ERCC6L2: variants seen among roughly 807,000 people sequenced by gnomAD.
ERCC6L2 encodes ERCC excision repair 6 like 2.
ERCC6L2 carries 77 observed loss-of-function variants against 132.0 expected under a neutral mutation model. The ratio of observed to expected loss-of-function variants is 0.58; its 90% confidence interval spans 0.49 to 0.71. ERCC6L2 has a LOEUF of 0.71. Ranked by LOEUF, ERCC6L2 falls within the 30% of genes least tolerant of loss-of-function variation. ERCC6L2 has a pLI of 0.00. For missense variants in ERCC6L2, 1,542 were observed against 1,837.6 expected (o/e 0.84, Z 2.94); for synonymous variants, 583 against 632.4 (o/e 0.92, Z 1.17).
chr9:95,972,417 A>G lies in ERCC6L2; in HGVS notation c.2666A>G (p.His889Arg), dbSNP rs1246831783. 9 of 1,278,182 alleles carry G rather than the reference A, an allele frequency of 7.0e-6. No individual in the cohort carries two copies. In the East Asian group the frequency reaches 3.3e-4, roughly 47 times the overall value. The allele number at this position is 1,278,182 out of a possible 1,614,324, so 79.2% of individuals were successfully genotyped here. Residue 889 changes from histidine (H) to arginine (R), a missense_variant, in exon 16 of 19, where the codon CAT becomes CGT. Physicochemically the swap from His to Arg is conservative, Grantham distance 29. Coordinates refer to ENST00000653738, the MANE Select transcript of ERCC6L2 (RefSeq NM_020207.7). ...DEKKIKNTDK[H>R]CILQNVTESE... Reference sequence around the variant, plus strand: ...AAAAAAATTAAAAATACAGATAAACATTGCATTTTACAGAATGTCACAGAA... The same window carrying G: ...AAAAAAATTAAAAATACAGATAAACGTTGCATTTTACAGAATGTCACAGAA...
intron 2 of ERCC6L2, among the ~76,000 whole-genome samples, chr9:95,893,817 G>A (rs1828294912): frequency 6.6e-6 from 1 of 151,946 alleles, no homozygotes; most frequent in African/African-American, 2.4e-5. Context: ...TTCTTTCAAA[G>A]GATGATCATT....
chr9:95,904,529 TG>T (rs1828938746), intron 3 of ERCC6L2, among the ~76,000 whole-genome samples: 1 of 152,170 alleles, frequency 6.6e-6, no homozygotes, highest in Non-Finnish European at 1.5e-5. Flanking sequence ...ATACTTACTT[TG>T]CTACTTAATA....
At position 96,007,223 on chromosome 9, in the gene ERCC6L2, A is replaced by G. The variant is rs1177465628; in HGVS notation, c.3674+2522A>G. Among the ~76,000 whole-genome samples the G allele has an allele frequency of 3.3e-5, 5 of 152,222 alleles. 1 individual carries two copies. Among genetic ancestry groups the G allele is most frequent in the Non-Finnish European group, 5.9e-5 (4 of 68,046 alleles). ...TCAAGCAGCTGAGCTGGAGCCTTAGATGACTAAGTCAGGGACATGGAGGTT... is the reference window on the plus strand; with the variant it reads ...TCAAGCAGCTGAGCTGGAGCCTTAGGTGACTAAGTCAGGGACATGGAGGTT... On this transcript the variant is annotated intron_variant, in intron 18 of 18. Transcript: ENST00000653738.
At chr9:95,919,263 A>C (rs1394647810) in intron 6 of ERCC6L2, among the ~76,000 whole-genome samples, 1 of 152,204 alleles carries the variant, frequency 6.6e-6, no homozygotes, top group East Asian at 1.9e-4. Context: ...GCTTGTATGC[A>C]CCTTTGCCTG....
chr9:95,947,199 A>G lies in ERCC6L2; in HGVS notation c.1847+5650A>G, dbSNP rs896798671. Among the ~76,000 whole-genome samples, 7 of 152,298 alleles carry G rather than the reference A, an allele frequency of 4.6e-5. No individual in the cohort carries two copies. In the South Asian group the frequency reaches 1.4e-3, roughly 32 times the overall value. The stretch of plus-strand genomic sequence containing the variant: ...ATGCAAAGGAAAAGTTCTTGAAGGA[A>G]ATTAAAAGTGCTACTCCAGTGAACA... On this transcript the variant is annotated intron_variant, in intron 12 of 18. Transcript: ENST00000653738.
chr9:95,982,093 G>A (rs1421985814), intron 17 of ERCC6L2, among the ~76,000 whole-genome samples: 1 of 152,176 alleles, frequency 6.6e-6, no homozygotes, highest in East Asian at 1.9e-4. Context: ...TCTTGCAAGT[G>A]TTTGACAGAG....
At position 95,915,660 on chromosome 9, in the gene ERCC6L2, C is replaced by T. The variant is rs1482878517; in HGVS notation, c.789-8C>T. The T allele has an allele frequency of 2.5e-6, 4 of 1,598,416 alleles. No individual in the cohort carries two copies. Among genetic ancestry groups the T allele is most frequent in the Admixed American group, 1.8e-5 (1 of 56,826 alleles). On this transcript the variant is annotated splice_polypyrimidine_tract_variant and splice_region_variant and intron_variant, in intron 4 of 18. Coordinates refer to ENST00000653738, the MANE Select transcript of ERCC6L2 (RefSeq NM_020207.7). ...TCAACCTCACCCTTCTTTTTTCTTA[C>T]TTTATAGTTTGGAATGGTCAGCTGT... is the stretch of plus-strand genomic sequence containing the variant.
At chr9:95,956,937 T>G (rs1180127992) in intron 13 of ERCC6L2, among the ~76,000 whole-genome samples, 3 of 152,150 alleles carry the variant, frequency 2.0e-5, no homozygotes, top group Non-Finnish European at 4.4e-5. Flanking sequence ...ACATGTGCCA[T>G]CACATGAAGA....
intron 3 of ERCC6L2, among the ~76,000 whole-genome samples, chr9:95,901,465 C>G (rs1828773447): frequency 6.6e-6 from 1 of 152,126 alleles, no homozygotes; most frequent in African/African-American, 2.4e-5. Flanking sequence ...ACTTTTCCTT[C>G]TTAAAATTAC....
At chr9:95,962,788 A>G (rs1314489639) in intron 13 of ERCC6L2, among the ~76,000 whole-genome samples, 4 of 152,174 alleles carry the variant, frequency 2.6e-5, no homozygotes, top group Admixed American at 2.6e-4. Flanking sequence ...AGATAAGCCT[A>G]TCGTAAGTCC....
At chr9:95,917,043 G>A (rs1219810748) in intron 6 of ERCC6L2, among the ~76,000 whole-genome samples, 1 of 152,156 alleles carries the variant, frequency 6.6e-6, no homozygotes, top group African/African-American at 2.4e-5. Context: ...TCTCTCTGCA[G>A]TGTGTTTTCT....
At chr9:95,928,928 T>G in intron 11 of ERCC6L2, 64 bp downstream of exon 11, 1 of 1,250,108 alleles carries the variant, frequency 8.0e-7, no homozygotes, top group Non-Finnish European at 1.1e-6. Context: ...AGCATAATTT[T>G]TAAAACTATT....
intron 11 of ERCC6L2, among the ~76,000 whole-genome samples, chr9:95,936,724 T>C (rs1013813311): frequency 2.0e-5 from 3 of 152,184 alleles, no homozygotes; most frequent in Admixed American, 1.3e-4. Flanking sequence ...GCAGAACATT[T>C]CCATCACAAG....
intron 15 of ERCC6L2, 61 bp downstream of exon 15, chr9:95,970,717 GT>G: frequency 8.8e-7 from 1 of 1,131,148 alleles, no homozygotes; most frequent in Non-Finnish European, 1.1e-6. Flanking sequence ...TGACAATTTT[GT>G]TTCTTTTCCT....
intron 2 of ERCC6L2, among the ~76,000 whole-genome samples, chr9:95,895,171 A>C (rs1195980635): frequency 6.6e-6 from 1 of 152,188 alleles, no homozygotes; most frequent in Non-Finnish European, 1.5e-5. Context: ...TTTATTATCA[A>C]TATTAAGTTA....
chr9:95,972,912 G>A lies in ERCC6L2; in HGVS notation c.3161G>A (p.Ser1054Asn). ...GAGAGTTTATCCGTCAGCCACTTCA[G>A]TTTCTCTAAACAGAGCCACAGACCA... Reference protein sequence around the residue: ...SDESLSVSHFSFSKQSHRPRT... With the variant: ...SDESLSVSHFNFSKQSHRPRT... The change falls in exon 16 of 19, where the codon AGT becomes AAT. Residue 1054 changes from serine (S) to asparagine (N), a missense_variant. Physicochemically the swap from Ser to Asn is conservative, Grantham distance 46. Around this residue, in one of 4 missense-constraint regions of ERCC6L2, gnomAD observed 945 missense variants for 1,105.2 expected, o/e 0.86. Transcript: ENST00000653738. The A allele has an allele frequency of 2.3e-6, 3 of 1,305,878 alleles. No homozygotes were observed. The highest frequency in any genetic ancestry group is 3.0e-6 in the Non-Finnish European group (3 of 989,200). The allele number at this position is 1,305,878 out of a possible 1,614,324, so 80.9% of individuals were successfully genotyped here. A position where few individuals can be genotyped will look rare whatever the true frequency, so the allele number is the denominator to read the frequency against.
chr9:95,975,471 CTTT>C (rs572855007), intron 16 of ERCC6L2, among the ~76,000 whole-genome samples: 7 of 111,238 alleles, frequency 6.3e-5, no homozygotes, highest in Non-Finnish European at 1.1e-4. Context: ...ATTATATGTT[CTTT>C]TTTTTTTTTT....
Position 95,941,418 on chromosome 9 carries a change from G to T in ERCC6L2, c.1752-36G>T, listed in dbSNP as rs148125640. On this transcript the variant is annotated intron_variant, in intron 11 of 18. Coordinates refer to ENST00000653738, the MANE Select transcript of ERCC6L2 (RefSeq NM_020207.7). ...TATAGCACAACAGTTAGTTTTTGCT[G>T]TTCTAATGTGCTTTTTTTTTTTCTC... The T allele has an allele frequency of 6.5e-5, 98 of 1,508,528 alleles. No individual in the cohort carries two copies. In the East Asian group the frequency reaches 9.7e-4, roughly 15 times the overall value. 93.4% of individuals were successfully genotyped at this position (1,508,528 alleles called of 1,614,324 possible).
At chr9:95,932,074 C>CT (rs1031441564) in intron 11 of ERCC6L2, among the ~76,000 whole-genome samples, 3,790 of 141,840 alleles carry the variant, frequency 0.027, 151 homozygotes, top group African/African-American at 0.087. Context: ...GAAATGATCA[C>CT]TTTTTTTTTT....
Sources: allele counts gnomAD v4.1 joint callset (sites outside exome capture counted in the v4.1 genomes callset), GRCh38; gene constraint gnomAD v4.1.1; regional missense constraint gnomAD v4.1.1; transcripts MANE v1.5; gene names NCBI Gene and HGNC (gene_info 2026-07-23, HGNC 2026-07-21).